The following CACNA1D variants were observed in gnomAD, a reference collection of about 807,000 sequenced individuals.
The protein encoded by CACNA1D is voltage-dependent L-type calcium channel subunit alpha-1D.
CACNA1D carries 55 observed loss-of-function variants against 257.1 expected under a neutral mutation model. The observed-to-expected ratio is 0.21, with a 90% CI of 0.17 to 0.27. The LOEUF (loss-of-function observed/expected upper bound fraction) is 0.27. CACNA1D is among the 10% of genes least tolerant of loss of function. CACNA1D has a pLI of 1.00. For synonymous variants in CACNA1D, 980 were observed against 1,014.9 expected (o/e 0.97, Z 0.65); for missense variants, 1,876 against 2,784.0 (o/e 0.67, Z 7.34).
chr3:53,786,159 A>G (rs571717070), intron 39 of CACNA1D: 1 of 153,902 alleles, frequency 6.5e-6, no homozygotes, highest in South Asian at 2.0e-4. Context: ...TTGTTTCTGA[A>G]CAAAGCAAAA....
At chr3:53,590,739 C>T (rs769833089) in intron 3 of CACNA1D, among the ~76,000 whole-genome samples, 9 of 152,184 alleles carry the variant, frequency 5.9e-5, no homozygotes, top group South Asian at 2.1e-4. Context: ...GGCACCCTCT[C>T]GTTTCCTCAT....
At chr3:53,655,960 G>A (rs1332464793) in intron 4 of CACNA1D, among the ~76,000 whole-genome samples, 2 of 152,172 alleles carry the variant, frequency 1.3e-5, no homozygotes, top group Non-Finnish European at 2.9e-5. Context: ...TTTGTATATA[G>A]TATAAGAAAA....
At chr3:53,782,270 A>ATATATATATATATATATATATATATATG (rs1559678583) in intron 39 of CACNA1D, 1 of 135,112 alleles carries the variant, frequency 7.4e-6, no homozygotes, top group African/African-American at 2.8e-5. Flanking sequence ...GTGTGTATAT[A>ATATATATATATATATATATATATATATG]TATATATATA....
intron 9 of CACNA1D, 58 bp from the exon 10 acceptor site, chr3:53,718,243 G>A: frequency 6.7e-7 from 1 of 1,482,052 alleles, no homozygotes. Context: ...CACCTGGCCT[G>A]CCTCCCAGGC....
rs2095533336 is a variant in CACNA1D, at chr3:53,800,932, T to G, written c.5041-126T>G. ...ACCCTGATCATTGAGACACTCAGAT[T>G]GTTTTACAGGGATCCTACGGAGCTT... On this transcript the variant is annotated intron_variant, in intron 41 of 47. Transcript: ENST00000350061. The surrounding 1 kb of genome is among the most constrained non-coding windows in gnomAD (Gnocchi z 4.3). 6 of 897,108 alleles carry G rather than the reference T, an allele frequency of 6.7e-6. No individual in the cohort carries two copies. Among genetic ancestry groups the G allele is most frequent in the Non-Finnish European group, 9.2e-6 (5 of 544,170 alleles). The allele number at this position is 897,108 out of a possible 1,614,324, so 55.6% of individuals were successfully genotyped here.
intron 3 of CACNA1D, among the ~76,000 whole-genome samples, chr3:53,510,904 T>C (rs2091078637): frequency 6.6e-6 from 1 of 152,222 alleles, no homozygotes; most frequent in African/African-American, 2.4e-5. Flanking sequence ...CTTATTCTTG[T>C]CTCCCTTGCT....
At chr3:53,553,435 A>T (rs1406613277) in intron 3 of CACNA1D, among the ~76,000 whole-genome samples, 4 of 152,140 alleles carry the variant, frequency 2.6e-5, no homozygotes, top group African/African-American at 9.7e-5. Flanking sequence ...AATCCCTACC[A>T]TTCATCAAAG....
intron 3 of CACNA1D, among the ~76,000 whole-genome samples, chr3:53,643,426 G>A (rs1046419001): frequency 2.0e-5 from 3 of 152,104 alleles, no homozygotes; most frequent in African/African-American, 7.2e-5. Context: ...CTCCTGAAAC[G>A]TGTAGGGTCG....
chr3:53,621,992 T>A (rs1376807692), intron 3 of CACNA1D, among the ~76,000 whole-genome samples: 2 of 151,972 alleles, frequency 1.3e-5, no homozygotes, highest in African/African-American at 4.8e-5. Flanking sequence ...AACTGGAGAC[T>A]CTTAACGCAT....
At chr3:53,710,426 T>G (rs572215685) in intron 9 of CACNA1D, 1 of 456,742 alleles carries the variant, frequency 2.2e-6, no homozygotes, top group African/African-American at 2.0e-5. Flanking sequence ...TTAAAGAGGA[T>G]AAGAAGAAAA....
At chr3:53,743,370 A>G (rs932915471) in intron 22 of CACNA1D, among the ~76,000 whole-genome samples, 15 of 152,216 alleles carry the variant, frequency 9.9e-5, no homozygotes, top group Admixed American at 8.5e-4. Flanking sequence ...CTGAGGTGAA[A>G]GAAGTGTTGA....
intron 3 of CACNA1D, among the ~76,000 whole-genome samples, chr3:53,635,180 G>T (rs1018391519): frequency 3.9e-5 from 6 of 152,170 alleles, no homozygotes; most frequent in African/African-American, 1.4e-4. Context: ...TAGCTAAGAA[G>T]TGTGTGTGCA....
chr3:53,496,007 G>T (rs761860865), intron 1 of CACNA1D, among the ~76,000 whole-genome samples: 1 of 152,232 alleles, frequency 6.6e-6, no homozygotes, highest in Non-Finnish European at 1.5e-5. Flanking sequence ...AGCCTTTCCG[G>T]GTGAGCGCTC....
At chr3:53,717,270 C>T (rs1198456252) in intron 9 of CACNA1D, among the ~76,000 whole-genome samples, 2 of 152,258 alleles carry the variant, frequency 1.3e-5, no homozygotes, top group Non-Finnish European at 2.9e-5. Context: ...ACCTCCTGCA[C>T]AGACCCCTGA....
At chr3:53,803,363 G>T in intron 43 of CACNA1D, 60 bp from the exon 44 acceptor site, 1 of 1,602,734 alleles carries the variant, frequency 6.2e-7, no homozygotes. Context: ...CAGAGGTGCA[G>T]CTGCAGCAGG....
At chr3:53,799,971 A>G (rs1175691826) in intron 40 of CACNA1D, 1 of 487,230 alleles carries the variant, frequency 2.1e-6, no homozygotes, top group African/African-American at 1.9e-5. Flanking sequence ...TCCTAGCACT[A>G]GTAACCAGGC....
intron 3 of CACNA1D, among the ~76,000 whole-genome samples, chr3:53,548,318 T>C (rs1292768831): frequency 1.3e-5 from 2 of 148,864 alleles, no homozygotes; most frequent in Non-Finnish European, 3.0e-5. Context: ...TCCAGAGTGC[T>C]AAAGCTGAAT....
chr3:53,684,147 G>T (rs1024466899), intron 8 of CACNA1D, among the ~76,000 whole-genome samples: 3 of 151,720 alleles, frequency 2.0e-5, no homozygotes, highest in African/African-American at 7.2e-5. Flanking sequence ...GAGGTAAAAG[G>T]AAAAACGATT....
intron 39 of CACNA1D, among the ~76,000 whole-genome samples, chr3:53,784,452 A>G (rs189403558): frequency 7.2e-5 from 11 of 152,026 alleles, no homozygotes; most frequent in Admixed American, 6.5e-4. Flanking sequence ...TGTTCTTAGG[A>G]ACTCTTCCTT....
Sources: gnomAD v4.1 joint callset for allele counts (sites outside exome capture counted in the v4.1 genomes callset) on GRCh38, gnomAD v4.1.1 for gene constraint, Gnocchi (gnomAD v3.1) non-coding constraint, MANE v1.5 for transcripts, NCBI Gene and HGNC (gene_info 2026-07-23, HGNC 2026-07-21) for gene names.